The following NPNT variants were observed in gnomAD, a reference collection of about 807,000 sequenced individuals.
The protein encoded by NPNT is nephronectin.
NPNT carries 45 observed loss-of-function variants against 68.6 expected under a neutral mutation model. The ratio of observed to expected loss-of-function variants is 0.66; its 90% CI spans 0.52 to 0.84. NPNT has a LOEUF of 0.84. Ranked by LOEUF, NPNT falls within the 40% of genes least tolerant of loss-of-function variation. The pLI is 0.00. For synonymous variants in NPNT, 233 were observed against 253.3 expected (o/e 0.92, Z 0.76); for missense variants, 672 against 714.8 (o/e 0.94, Z 0.68).
In NPNT at chr4:105,971,614, G is replaced by A. The variant is rs1732570880; in HGVS notation, c.*2624G>A. The A allele has an allele frequency of 6.5e-6, 1 of 152,712 alleles. No individual in the cohort carries two copies. 9.5% of individuals were successfully genotyped at this position (152,712 alleles called of 1,614,324 possible). ...TTTTCTAAAATAAAAAATGTTAGTG[G>A]TTTTCCAAATGGCCTAATAAAAACA... On this transcript the variant is annotated 3_prime_UTR_variant, in exon 12 of 12. Coordinates refer to ENST00000379987, the MANE Select transcript of NPNT (RefSeq NM_001033047.3).
intron 2 of NPNT, among the ~76,000 whole-genome samples, chr4:105,922,829 A>G (rs1728360177): frequency 6.6e-6 from 1 of 152,160 alleles, no homozygotes; most frequent in African/African-American, 2.4e-5. Context: ...AATTCTGGCA[A>G]CTGATTTTGG....
chr4:105,915,981 A>G (rs1245773136), intron 2 of NPNT, among the ~76,000 whole-genome samples: 1 of 152,180 alleles, frequency 6.6e-6, no homozygotes, highest in Non-Finnish European at 1.5e-5. Context: ...GCTAAATGTT[A>G]TCTAATAGTT....
chr4:105,933,833 A>G (rs1213257693), intron 3 of NPNT, among the ~76,000 whole-genome samples: 1 of 152,140 alleles, frequency 6.6e-6, no homozygotes, highest in Non-Finnish European at 1.5e-5. Context: ...CAAGCTCCTG[A>G]ATCCACCAAC....
intron 2 of NPNT, among the ~76,000 whole-genome samples, chr4:105,913,706 CT>C: frequency 6.6e-6 from 1 of 152,306 alleles, no homozygotes; most frequent in African/African-American, 2.4e-5. Context: ...CCATAATCAT[CT>C]TTTGGAAATA....
chr4:105,950,498 A>G (rs4699205), intron 8 of NPNT, among the ~76,000 whole-genome samples: 141,498 of 151,910 alleles, frequency 0.93, 65,949 homozygotes, highest in East Asian at 1. Flanking sequence ...TTTTACCCAG[A>G]CTGGAGTGCA....
At chr4:105,929,183 T>C (rs1042837166) in intron 3 of NPNT, among the ~76,000 whole-genome samples, 2 of 152,230 alleles carry the variant, frequency 1.3e-5, no homozygotes, top group African/African-American at 2.4e-5. Flanking sequence ...CTCCCACTTA[T>C]GAATGAAAAC....
At chr4:105,942,126 T>G (rs1730012300) in intron 7 of NPNT, among the ~76,000 whole-genome samples, 181 bp from the exon 8 acceptor site, 1 of 143,042 alleles carries the variant, frequency 7.0e-6, no homozygotes, top group Non-Finnish European at 1.5e-5. Context: ...TATATATATA[T>G]ATATATATAT....
rs558705468 is a variant in NPNT at position 105,952,019 on chromosome 4, A to G, written c.1160-6452A>G. ...GTGAGAATTAGGTGCAGAGGTACCT[A>G]TAAAACTTTTACTGTAGTGCTTGGC... On this transcript the variant is annotated intron_variant, in intron 8 of 11. Coordinates refer to ENST00000379987, the MANE Select transcript of NPNT (RefSeq NM_001033047.3). Among the ~76,000 whole-genome samples the G allele has an allele frequency of 3.3e-5, 5 of 152,330 alleles. No individual in the cohort carries two copies. The South Asian group carries it at 1.0e-3, about 32-fold the overall frequency.
intron 3 of NPNT, among the ~76,000 whole-genome samples, chr4:105,934,949 A>G (rs1560915729): frequency 6.6e-6 from 1 of 152,176 alleles, no homozygotes; most frequent in Non-Finnish European, 1.5e-5. Flanking sequence ...GGGGCCCTTT[A>G]TTGGCCCAGA....
intron 10 of NPNT, 89 bp from the exon 11 acceptor site, chr4:105,967,099 A>AG (rs1732205592): frequency 7.3e-7 from 1 of 1,375,570 alleles, no homozygotes; most frequent in East Asian, 2.4e-5. Flanking sequence ...AGAAAAGAAA[A>AG]AAAAAAAAAA....
chr4:105,929,298 A>T (rs1165094112), intron 3 of NPNT, among the ~76,000 whole-genome samples: 2 of 152,358 alleles, frequency 1.3e-5, no homozygotes, highest in African/African-American at 4.8e-5. Flanking sequence ...ATGAACCATC[A>T]GATGAAATTA....
chr4:105,967,476 G>C (rs751710351), intron 11 of NPNT, 32 bp downstream of exon 11: 1 of 1,509,068 alleles, frequency 6.6e-7, no homozygotes, highest in Non-Finnish European at 8.8e-7. Context: ...GCAGGACCTG[G>C]GACGTTTTCC....
chr4:105,936,384 A>G (rs968864427), intron 3 of NPNT, among the ~76,000 whole-genome samples: 3 of 152,226 alleles, frequency 2.0e-5, no homozygotes, highest in Admixed American at 1.3e-4. Context: ...AAAAACTACA[A>G]TATTGATCAC....
At chr4:105,927,281 A>G (rs1728755898) in intron 2 of NPNT, 55 bp from the exon 3 acceptor site, 2 of 1,101,020 alleles carry the variant, frequency 1.8e-6, no homozygotes, top group Non-Finnish European at 1.4e-6. Context: ...CATCAATGCT[A>G]TATGATTGGT....
intron 2 of NPNT, among the ~76,000 whole-genome samples, chr4:105,910,157 C>CATAAACATAAA (rs1727246363): frequency 6.6e-6 from 1 of 151,954 alleles, no homozygotes; most frequent in Non-Finnish European, 1.5e-5. Flanking sequence ...ACCCATAAAC[C>CATAAACATAAA]TGTGTTTAGC....
chr4:105,907,189 C>G (rs1368197398), intron 2 of NPNT, among the ~76,000 whole-genome samples: 1 of 152,160 alleles, frequency 6.6e-6, no homozygotes. Context: ...GTACCCAAAC[C>G]TAAGTCATCT....
At position 105,971,271 on chromosome 4, in the gene NPNT, A is replaced by G. The variant is rs200290955; in HGVS notation, c.*2281A>G. On this transcript the variant is annotated 3_prime_UTR_variant, in exon 12 of 12. Transcript: ENST00000379987. ...CAGTATGATTCAGTTTCTCTTATCA[A>G]TTGGACTCTCCCAGGTTCCACAGAA... The G allele has an allele frequency of 2.0e-4, 81 of 407,734 alleles. No individual in the cohort carries two copies. The highest frequency in any genetic ancestry group is 1.3e-3 in the African/African-American group (63 of 48,404). The allele number at this position is 407,734 out of a possible 1,614,324, so 25.3% of individuals were successfully genotyped here.
rs1303953806 is a variant in NPNT, at chr4:105,895,784, T to C, written c.71+61T>C. 6 of 1,400,254 alleles carry C rather than the reference T, an allele frequency of 4.3e-6. No individual in the cohort carries two copies. The African/African-American group carries it at 8.6e-5, about 20-fold the overall frequency. The allele number at this position is 1,400,254 out of a possible 1,614,324, so 86.7% of individuals were successfully genotyped here. A position where few individuals can be genotyped will look rare whatever the true frequency, so the allele number is the denominator to read the frequency against. On this transcript the variant is annotated intron_variant, in intron 1 of 11. Coordinates refer to ENST00000379987, the MANE Select transcript of NPNT (RefSeq NM_001033047.3). ...CGCGCTAATTTCACACTCACTGTCT[T>C]GGGTCACTTTTCCCCGCGGGGTTTC...
At chr4:105,895,750 C>A (rs1350039597) in intron 1 of NPNT, 27 bp downstream of exon 1, 11 of 1,540,652 alleles carry the variant, frequency 7.1e-6, no homozygotes, top group Non-Finnish European at 9.7e-6. Flanking sequence ...GGCGCCCTCT[C>A]CTCCTTCCCG....
Sources: allele counts gnomAD v4.1 joint callset (sites outside exome capture counted in the v4.1 genomes callset), GRCh38; gene constraint gnomAD v4.1.1; transcripts MANE v1.5; gene names NCBI Gene and HGNC (gene_info 2026-07-23, HGNC 2026-07-21).